Variants in ZNF621 observed in about 807,000 individuals in gnomAD.
ZNF621 encodes the protein zinc finger protein 621.
Under a neutral mutation model 12.7 loss-of-function variants are expected in ZNF621, and 6 were observed. That is an observed-to-expected ratio of 0.47 (90% CI 0.26 to 0.93). ZNF621 has a LOEUF of 0.93. Among genes scored for constraint, ZNF621 ranks in the 40% least tolerant of loss-of-function variants. ZNF621 has a pLI of 0.15. For synonymous variants in ZNF621, 156 were observed against 190.3 expected (o/e 0.82, Z 1.48); for missense variants, 474 against 524.0 (o/e 0.90, Z 0.93).
At chr3:40,529,530 G>A (rs759808368) in intron 3 of ZNF621, 85 bp downstream of exon 3, 1 of 1,597,018 alleles carries the variant, frequency 6.3e-7, no homozygotes, top group South Asian at 1.1e-5. Context: ...TGGGTTTGAT[G>A]ACTTCAGAGG....
rs1369930871 is a variant in ZNF621 at position 40,538,737 on chromosome 3, A to G, written c.*5647A>G. The G allele has an allele frequency of 6.6e-6, 1 of 152,496 alleles. No homozygotes were observed. Among genetic ancestry groups the G allele is most frequent in the African/African-American group, 2.4e-5 (1 of 41,436 alleles). 9.4% of individuals were successfully genotyped at this position (152,496 alleles called of 1,614,324 possible). On this transcript the variant is annotated 3_prime_UTR_variant, in exon 5 of 5. Transcript: ENST00000339296. The stretch of plus-strand genomic sequence containing the variant: ...GTGGCTGCCATAGTGGTTGTTCTGT[A>G]CAAAGTAACTTGAAAACCTTCTGGA...
chr3:40,524,800 A>C (rs1698535220), upstream of ZNF621: 1 of 152,390 alleles, frequency 6.6e-6, no homozygotes. Flanking sequence ...AGAGCGCCAC[A>C]GTTCCACGCC....
At chr3:40,526,757 TG>T (rs1182730682) in intron 2 of ZNF621, among the ~76,000 whole-genome samples, 1 of 152,198 alleles carries the variant, frequency 6.6e-6, no homozygotes, top group Non-Finnish European at 1.5e-5. Context: ...GGGGATGACA[TG>T]GTTGGATTTA....
rs746555104 is a variant in ZNF621 at position 40,532,466 on chromosome 3, G to A, written c.696G>A (p.Glu232=). ...LTQHQRIHTG[E]KPYECKECGK... ...AACATCAGAGGATCCACACTGGAGA[G>A]AAACCCTATGAATGTAAAGAGTGTG... Residue 232 remains glutamate, a synonymous_variant, in exon 5 of 5, where the codon GAG becomes GAA. Transcript: ENST00000339296. 1.1e-5 allele frequency: 18 copies of A among 1,614,024 alleles called. No individual in the cohort carries two copies. The East Asian group carries it at 3.6e-4, about 32-fold the overall frequency.
rs755798954 is a variant in ZNF621 at position 40,539,308 on chromosome 3, A to G, written c.*6218A>G. The G allele has an allele frequency of 2.6e-5, 4 of 152,260 alleles. No homozygotes were observed. Among genetic ancestry groups the G allele is most frequent in the African/African-American group, 9.6e-5 (4 of 41,454 alleles). The allele number at this position is 152,260 out of a possible 1,614,324, so 9.4% of individuals were successfully genotyped here. On this transcript the variant is annotated 3_prime_UTR_variant, in exon 5 of 5. Transcript: ENST00000339296. ...CATTTAAAGAAATCTCTAGAGCCAC[A>G]CTAACCTTCAGCAACCACCACACCG... is the stretch of plus-strand genomic sequence containing the variant.
rs904660362 is a variant in ZNF621, at chr3:40,536,226, G to A, written c.*3136G>A. 3 of 152,064 alleles carry A rather than the reference G, an allele frequency of 2.0e-5. No individual in the cohort carries two copies. Among genetic ancestry groups the A allele is most frequent in the Non-Finnish European group, 2.9e-5 (2 of 68,070 alleles). 9.4% of individuals were successfully genotyped at this position (152,064 alleles called of 1,614,324 possible). A position where few individuals can be genotyped will look rare whatever the true frequency, so the allele number is the denominator to read the frequency against. On this transcript the variant is annotated 3_prime_UTR_variant, in exon 5 of 5. Transcript: ENST00000339296. ...CTCTTGCCTCAGCCTCCTGAGTAGT[G>A]TGTGCCACCACGCCCAGCTAATTTT...
rs964895413 is a variant in ZNF621 at position 40,535,134 on chromosome 3, C to T, written c.*2044C>T. 6.6e-6 allele frequency: 1 copy of T among 152,066 alleles called. No homozygotes were observed. The highest frequency in any genetic ancestry group is 1.9e-4 in the East Asian group (1 of 5,200). 9.4% of individuals were successfully genotyped at this position (152,066 alleles called of 1,614,324 possible). A position where few individuals can be genotyped will look rare whatever the true frequency, so the allele number is the denominator to read the frequency against. On this transcript the variant is annotated 3_prime_UTR_variant, in exon 5 of 5. Coordinates refer to ENST00000339296, the MANE Select transcript of ZNF621 (RefSeq NM_198484.5). ...AAGCTCCAGAAAGTGGCTGCGCCTT[C>T]AGCCCCGTGCTAGAATGAGAACATA...
In ZNF621 at chr3:40,532,677, A is replaced by G. The variant is rs1698760491; in HGVS notation, c.907A>G (p.Lys303Glu). The change falls in exon 5 of 5, where the codon AAA (lysine) becomes GAA (glutamate). Residue 303 changes from lysine (K) to glutamate (E), a missense_variant. Transcript: ENST00000339296. ...GGAGTGTGGCAAAGCCTTCACCCAGAAAATAGCCTCCATTCAGCATCAGAG... is the reference window on the plus strand; with the variant it reads ...GGAGTGTGGCAAAGCCTTCACCCAGGAAATAGCCTCCATTCAGCATCAGAG... Reference protein sequence around the residue: ...CKECGKAFTQKIASIQHQRVH... With the variant: ...CKECGKAFTQEIASIQHQRVH... 6.2e-7 allele frequency: 1 copy of G among 1,614,092 alleles called. No homozygotes were observed. Among genetic ancestry groups the G allele is most frequent in the African/African-American group, 1.3e-5 (1 of 74,926 alleles).
Position 40,538,026 on chromosome 3 carries a change from C to G in ZNF621, c.*4936C>G, listed in dbSNP as rs145827672. 5.4e-3 allele frequency among the ~76,000 whole-genome samples: 830 copies of G among 152,312 alleles called. 3 individuals are homozygous for G. The highest frequency in any genetic ancestry group is 0.018 in the African/African-American group (740 of 41,570). On this transcript the variant is annotated 3_prime_UTR_variant, in exon 5 of 5. Transcript: ENST00000339296. ...TCGTCTCTCTTGTTAGGGGTTCATG[C>G]AGCTGGTAACTTTAAGTTGAAGCCA...
chr3:40,532,145 T>C lies in ZNF621; in HGVS notation c.375T>C (p.Phe125=). ...GGLLRNVSQH[F]DFKRKALKQT... ...TTCTCAGGAACGTTTCTCAGCACTT[T>C]GATTTTAAAAGGAAGGCACTGAAGC... is the stretch of plus-strand genomic sequence containing the variant. Residue 125 remains phenylalanine, a synonymous_variant, in exon 5 of 5, where the codon TTT becomes TTC. Coordinates refer to ENST00000339296, the MANE Select transcript of ZNF621 (RefSeq NM_198484.5). 2 of 1,614,224 alleles carry C rather than the reference T, an allele frequency of 1.2e-6. No homozygotes were observed. Among genetic ancestry groups the C allele is most frequent in the Non-Finnish European group, 1.7e-6 (2 of 1,180,044 alleles).
intron 1 of ZNF621, 107 bp from the exon 2 acceptor site, chr3:40,525,672 G>A (rs944062008): frequency 2.4e-6 from 2 of 819,844 alleles, no homozygotes; most frequent in Non-Finnish European, 4.1e-6. Flanking sequence ...AGTCCTAGTA[G>A]AATCTCCGTG....
upstream of ZNF621, among the ~76,000 whole-genome samples, chr3:40,523,252 A>G (rs572983454): frequency 3.5e-4 from 54 of 152,372 alleles, no homozygotes; most frequent in South Asian, 6.2e-3. Flanking sequence ...GATACTCTCC[A>G]TAATAGGACT....
Position 40,532,886 on chromosome 3 carries a change from A to T in ZNF621, c.1116A>T (p.Gly372=). ...SPAIPPVLLQ[G]SCSASAVAVP... is the part of the protein sequence containing the mutation. ...CCATACCTCCTGTTCTTCTCCAGGGATCCTGTTCTGCTTCAGCCGTAGCTG... is the reference window on the plus strand; with the variant it reads ...CCATACCTCCTGTTCTTCTCCAGGGTTCCTGTTCTGCTTCAGCCGTAGCTG... Residue 372 remains glycine (G), a synonymous_variant, in exon 5 of 5, where the codon GGA becomes GGT. Transcript: ENST00000339296. 1 of 1,603,424 alleles carries T rather than the reference A, an allele frequency of 6.2e-7. No homozygotes were observed. Among genetic ancestry groups the T allele is most frequent in the Non-Finnish European group, 8.5e-7 (1 of 1,174,576 alleles).
At chr3:40,525,930 A>G in intron 2 of ZNF621, 66 bp downstream of exon 2, 2 of 1,588,846 alleles carry the variant, frequency 1.3e-6, no homozygotes, top group African/African-American at 2.7e-5. Context: ...ATTAGCTATC[A>G]GATAATCAGG....
At position 40,532,776 on chromosome 3, in the gene ZNF621, C is replaced by A; in HGVS notation, c.1006C>A (p.Gln336Lys). 6.2e-7 allele frequency: 1 copy of A among 1,614,188 alleles called. No individual in the cohort carries two copies. The highest frequency in any genetic ancestry group is 1.1e-5 in the South Asian group (1 of 91,078). ...KAFKWYGSFV[Q>K]HQKLHPVEKK... Reference sequence around the variant, plus strand: ...CTTCAAATGGTATGGAAGTTTTGTTCAGCATCAGAAATTGCACCCTGTGGA... The same window carrying A: ...CTTCAAATGGTATGGAAGTTTTGTTAAGCATCAGAAATTGCACCCTGTGGA... Residue 336 changes from glutamine (Q) to lysine (K), a missense_variant, in exon 5 of 5, where the codon CAG becomes AAG. Physicochemically the swap from Gln to Lys is moderately conservative, Grantham distance 53. Transcript: ENST00000339296.
At chr3:40,528,459 T>C (rs918488385) in intron 2 of ZNF621, among the ~76,000 whole-genome samples, 2 of 152,214 alleles carry the variant, frequency 1.3e-5, no homozygotes, top group Admixed American at 6.5e-5. Flanking sequence ...TAAATGTCCA[T>C]GTACAGGTTT....
In ZNF621 at chr3:40,535,410, G is replaced by C. The variant is rs1462965814; in HGVS notation, c.*2320G>C. On this transcript the variant is annotated 3_prime_UTR_variant, in exon 5 of 5. Transcript: ENST00000339296. ...AATTAGCTTACAAAATGTCTAAGAG[G>C]AGCTAAGCTGGGATGCCACATAGGC... is the stretch of plus-strand genomic sequence containing the variant. 1 of 152,194 alleles carries C rather than the reference G, an allele frequency of 6.6e-6. No homozygotes were observed. Among genetic ancestry groups the C allele is most frequent in the Admixed American group, 6.5e-5 (1 of 15,280 alleles). 9.4% of individuals were successfully genotyped at this position (152,194 alleles called of 1,614,324 possible). A position where few individuals can be genotyped will look rare whatever the true frequency, so the allele number is the denominator to read the frequency against.
At chr3:40,530,165 C>A in intron 3 of ZNF621, 44 bp from the exon 4 acceptor site, 1 of 1,547,486 alleles carries the variant, frequency 6.5e-7, no homozygotes, top group Non-Finnish European at 8.9e-7. Flanking sequence ...AGGAATAGCT[C>A]TGGACGTCTC....
In ZNF621 at chr3:40,532,438, C is replaced by A; in HGVS notation, c.668C>A (p.Thr223Asn). Residue 223 changes from threonine to asparagine, a missense_variant, in exon 5 of 5, where the codon ACT (threonine) becomes AAT (asparagine). Physicochemically the swap from Thr to Asn is moderately conservative, Grantham distance 65. Coordinates refer to ENST00000339296, the MANE Select transcript of ZNF621 (RefSeq NM_198484.5). ...GGTTTGAGTTCCAACACAGCCTTGA[C>A]TCAACATCAGAGGATCCACACTGGA... ...GKGLSSNTAL[T>N]QHQRIHTGEK... 1 of 1,613,684 alleles carries A rather than the reference C, an allele frequency of 6.2e-7. No individual in the cohort carries two copies. Among genetic ancestry groups the A allele is most frequent in the Non-Finnish European group, 8.5e-7 (1 of 1,179,934 alleles).
Sources: gnomAD v4.1 joint callset for allele counts (sites outside exome capture counted in the v4.1 genomes callset) on GRCh38, gnomAD v4.1.1 for gene constraint, MANE v1.5 for transcripts, NCBI Gene and HGNC (gene_info 2026-07-23, HGNC 2026-07-21) for gene names.